Variants in TBL1XR1 observed in about 807,000 individuals in gnomAD.
TBL1XR1 encodes TBL1X/Y related 1, also known as F-box-like/WD repeat-containing protein TBL1XR1.
Under a neutral mutation model 66.9 loss-of-function variants are expected in TBL1XR1, and 5 were observed. The ratio of observed to expected loss-of-function variants is 0.07; its 90% CI spans 0.04 to 0.16. The LOEUF is 0.16. Among genes scored for constraint, TBL1XR1 ranks in the 10% least tolerant of loss-of-function variants. The pLI is 1.00. For missense variants in TBL1XR1, 238 were observed against 623.2 expected (o/e 0.38, Z 6.58); for synonymous variants, 210 against 206.0 (o/e 1.02, Z -0.17).
intron 15 of TBL1XR1, 78 bp downstream of exon 15, chr3:177,026,295 T>C: frequency 8.8e-7 from 1 of 1,139,548 alleles, no homozygotes; most frequent in African/African-American, 1.6e-5. Context: ...AAAAACACTT[T>C]GGTATCACTA....
intron 2 of TBL1XR1, among the ~76,000 whole-genome samples, chr3:177,086,174 A>C (rs1722093829): frequency 6.6e-6 from 1 of 151,366 alleles, no homozygotes; most frequent in African/African-American, 2.4e-5. Flanking sequence ...TTAAAAAGAA[A>C]CAGGCAGAAT....
intron 1 of TBL1XR1, among the ~76,000 whole-genome samples, chr3:177,163,226 G>A (rs1297005686): frequency 6.6e-6 from 1 of 152,140 alleles, no homozygotes; most frequent in African/African-American, 2.4e-5. Context: ...AAAAAAAGAG[G>A]CCGGGCGTGG....
Position 177,098,469 on chromosome 3 carries a change from T to C in TBL1XR1, c.-49A>G, listed in dbSNP as rs1723782430. ...ATTGGGAGTTGGAGAGTCTTACCAT[T>C]GGCAGTGCATTGATGTGGGGATGTG... On this transcript the variant is annotated 5_prime_UTR_variant, in exon 2 of 16. Transcript: ENST00000457928. 1.0e-6 allele frequency: 1 copy of C among 985,556 alleles called. No homozygotes were observed. The highest frequency in any genetic ancestry group is 1.2e-6 in the Non-Finnish European group (1 of 829,786). The allele number at this position is 985,556 out of a possible 1,614,324, so 61.1% of individuals were successfully genotyped here.
intron 1 of TBL1XR1, among the ~76,000 whole-genome samples, chr3:177,100,231 C>G (rs905008274): frequency 6.6e-6 from 1 of 152,162 alleles, no homozygotes; most frequent in African/African-American, 2.4e-5. Flanking sequence ...GATAGAGACT[C>G]TGTCTCAAAC....
At chr3:177,128,962 C>T (rs931118363) in intron 1 of TBL1XR1, among the ~76,000 whole-genome samples, 2 of 152,162 alleles carry the variant, frequency 1.3e-5, no homozygotes, top group Non-Finnish European at 2.9e-5. Context: ...ACACTCTCCC[C>T]ATCAGCTATT....
chr3:177,085,605 T>C (rs888176871), intron 2 of TBL1XR1, among the ~76,000 whole-genome samples: 2 of 152,126 alleles, frequency 1.3e-5, no homozygotes, highest in African/African-American at 4.8e-5. Context: ...AAATGAAAAC[T>C]TTATGACTGA....
chr3:177,197,624 G>A (rs1737052088), upstream of TBL1XR1, among the ~76,000 whole-genome samples: 1 of 137,156 alleles, frequency 7.3e-6, no homozygotes, highest in East Asian at 2.2e-4. Flanking sequence ...TGCGCCGGGC[G>A]GGCGGGCGAG....
upstream of TBL1XR1, among the ~76,000 whole-genome samples, chr3:177,200,261 T>C (rs1035258801): frequency 4.1e-4 from 62 of 152,200 alleles, 1 homozygote; most frequent in Non-Finnish European, 8.8e-5. Flanking sequence ...CGTGAGCCAC[T>C]GTGCCCGGCA....
At chr3:177,038,502 G>T in intron 10 of TBL1XR1, 68 bp from the exon 11 acceptor site, 1 of 1,389,348 alleles carries the variant, frequency 7.2e-7, no homozygotes, top group African/African-American at 1.4e-5. Flanking sequence ...TTTTAGCTTT[G>T]AACCATTGTT....
At chr3:177,054,993 C>G (rs1439603365) in intron 3 of TBL1XR1, among the ~76,000 whole-genome samples, 1 of 152,058 alleles carries the variant, frequency 6.6e-6, no homozygotes, top group Non-Finnish European at 1.5e-5. Flanking sequence ...CACCATTTAT[C>G]ATTAAGTAGT....
At chr3:177,088,668 T>C (rs1722448527) in intron 2 of TBL1XR1, among the ~76,000 whole-genome samples, 1 of 151,206 alleles carries the variant, frequency 6.6e-6, no homozygotes, top group Non-Finnish European at 1.5e-5. Flanking sequence ...ATCAGTTAAA[T>C]ATAACTCCAA....
Position 177,135,311 on chromosome 3 carries a change from G to C in TBL1XR1, c.-121-36770C>G, listed in dbSNP as rs113493719. 6.6e-3 allele frequency among the ~76,000 whole-genome samples: 241 copies of C among 36,376 alleles called. 2 individuals carry two copies. The highest frequency in any genetic ancestry group is 9.8e-3 in the South Asian group (9 of 920). The allele number at this position is 36,376 out of a possible 152,430, so 23.9% of individuals were successfully genotyped here. A position where few individuals can be genotyped will look rare whatever the true frequency, so the allele number is the denominator to read the frequency against. ...GCCACCGCACAAGGCCGCACTCTGTGTGTGTGTGTGTGTGTGTGTGTGTAT... is the reference window on the plus strand; with the variant it reads ...GCCACCGCACAAGGCCGCACTCTGTCTGTGTGTGTGTGTGTGTGTGTGTAT... On this transcript the variant is annotated intron_variant, in intron 1 of 15. Coordinates refer to ENST00000457928, the MANE Select transcript of TBL1XR1 (RefSeq NM_024665.7).
chr3:177,199,072 A>G (rs1012579208), upstream of TBL1XR1, among the ~76,000 whole-genome samples: 2 of 152,186 alleles, frequency 1.3e-5, no homozygotes, highest in African/African-American at 4.8e-5. Flanking sequence ...GGAGCAGGAA[A>G]ACCATCAGAG....
intron 2 of TBL1XR1, among the ~76,000 whole-genome samples, chr3:177,066,534 G>T (rs1359094984): frequency 6.6e-6 from 1 of 152,156 alleles, no homozygotes; most frequent in Admixed American, 6.6e-5. Flanking sequence ...TATTCAGGAG[G>T]ACCTTCAAGG....
chr3:177,073,962 A>G (rs1418397436), intron 2 of TBL1XR1, among the ~76,000 whole-genome samples: 1 of 152,226 alleles, frequency 6.6e-6, no homozygotes, highest in Non-Finnish European at 1.5e-5. Flanking sequence ...TTATTTCCCA[A>G]GAAAACCCAT....
intron 1 of TBL1XR1, among the ~76,000 whole-genome samples, chr3:177,152,447 C>G (rs942851602): frequency 6.6e-6 from 1 of 152,060 alleles, no homozygotes; most frequent in Non-Finnish European, 1.5e-5. Context: ...CCACCACGCC[C>G]GGCTAATTTT....
At chr3:177,098,826 T>C (rs1353735646) in intron 1 of TBL1XR1, among the ~76,000 whole-genome samples, 5 of 152,202 alleles carry the variant, frequency 3.3e-5, no homozygotes. Context: ...ACTCAACTCA[T>C]GTAAATATTA....
chr3:177,073,418 C>A (rs1260882863), intron 2 of TBL1XR1, among the ~76,000 whole-genome samples: 1 of 152,088 alleles, frequency 6.6e-6, no homozygotes, highest in East Asian at 1.9e-4. Flanking sequence ...AAAAAAGGTA[C>A]TTAAAAGCCA....
intron 1 of TBL1XR1, among the ~76,000 whole-genome samples, chr3:177,194,768 A>G (rs1736616647): frequency 6.6e-6 from 1 of 152,216 alleles, no homozygotes; most frequent in Admixed American, 6.5e-5. Flanking sequence ...GACTGGTGTC[A>G]TGGTAATCAT....
Sources: gnomAD v4.1 joint callset for allele counts (sites outside exome capture counted in the v4.1 genomes callset) on GRCh38, gnomAD v4.1.1 for gene constraint, MANE v1.5 for transcripts, NCBI Gene and HGNC (gene_info 2026-07-23, HGNC 2026-07-21) for gene names.